CDC42BPA: variants seen among roughly 807,000 people sequenced by gnomAD.
CDC42BPA encodes the protein serine/threonine-protein kinase MRCK alpha.
CDC42BPA carries 80 observed loss-of-function variants against 223.5 expected under a neutral mutation model. The observed-to-expected ratio is 0.36, with a 90% confidence interval of 0.30 to 0.43. The LOEUF (loss-of-function observed/expected upper bound fraction) is 0.43. Among genes scored for constraint, CDC42BPA ranks in the 20% least tolerant of loss-of-function variants. The pLI is 1.00. For missense variants in CDC42BPA, 1,743 were observed against 2,099.9 expected (o/e 0.83, Z 3.32); for synonymous variants, 694 against 718.6 (o/e 0.97, Z 0.55).
At chr1:227,284,156 C>T (rs1444746593) in intron 1 of CDC42BPA, among the ~76,000 whole-genome samples, 2 of 152,136 alleles carry the variant, frequency 1.3e-5, no homozygotes, top group Non-Finnish European at 2.9e-5. Context: ...TGTCTTGACA[C>T]ATCAAATGTC....
intron 12 of CDC42BPA, among the ~76,000 whole-genome samples, chr1:227,116,551 C>G (rs906602611): frequency 2.6e-5 from 4 of 152,100 alleles, no homozygotes; most frequent in African/African-American, 9.7e-5. Context: ...TACTGAGGTT[C>G]TAGCTAATAC....
At chr1:227,244,653 A>G (rs1484057910) in intron 2 of CDC42BPA, among the ~76,000 whole-genome samples, 2 of 152,220 alleles carry the variant, frequency 1.3e-5, no homozygotes, top group Non-Finnish European at 2.9e-5. Flanking sequence ...GCTCTCCCAC[A>G]CCATGCTGGA....
chr1:227,072,187 G>C, intron 20 of CDC42BPA, 21 bp downstream of exon 20: 5 of 1,374,994 alleles, frequency 3.6e-6, no homozygotes, highest in Non-Finnish European at 5.1e-6. Flanking sequence ...TCCTGAGTGA[G>C]GCAAACACAC....
At chr1:227,164,460 ACATATCT>A (rs1558653879) in intron 5 of CDC42BPA, among the ~76,000 whole-genome samples, 1 of 152,222 alleles carries the variant, frequency 6.6e-6, no homozygotes, top group Non-Finnish European at 1.5e-5. Flanking sequence ...CAGAGAACTT[ACATATCT>A]CATCTATAGG....
chr1:227,285,833 G>C (rs2148612221), intron 1 of CDC42BPA, among the ~76,000 whole-genome samples: 1 of 149,496 alleles, frequency 6.7e-6, no homozygotes, highest in Non-Finnish European at 1.5e-5. Flanking sequence ...GCCTACTCCT[G>C]AGTACTTGGA....
chr1:227,110,398 C>G (rs1230694236), intron 14 of CDC42BPA, among the ~76,000 whole-genome samples: 1 of 152,216 alleles, frequency 6.6e-6, no homozygotes, highest in African/African-American at 2.4e-5. Context: ...CTAAATGACA[C>G]AGAGATGTGT....
In CDC42BPA at chr1:227,060,515, C is replaced by T. The variant is rs16846902; in HGVS notation, c.2905-8530G>A. Among the ~76,000 whole-genome samples the T allele has an allele frequency of 1.5e-3, 227 of 152,086 alleles. 1 individual carries two copies. The highest frequency in any genetic ancestry group is 3.5e-3 in the Admixed American group (53 of 15,282). ...AGCAACAATGTGACAAATGCTATCACTGAGATATGTACAAGGTTTGTATGG... is the reference window on the plus strand; with the variant it reads ...AGCAACAATGTGACAAATGCTATCATTGAGATATGTACAAGGTTTGTATGG... On this transcript the variant is annotated intron_variant, in intron 21 of 36. Transcript: ENST00000366766.
At chr1:227,303,732 A>T (rs1692073079) in intron 1 of CDC42BPA, among the ~76,000 whole-genome samples, 2 of 152,040 alleles carry the variant, frequency 1.3e-5, no homozygotes, top group Admixed American at 6.6e-5. Context: ...AGTCATTACC[A>T]CTCATCTACC....
rs1219253483 is a variant in CDC42BPA, at chr1:226,993,501, A to G, written c.*767T>C. On this transcript the variant is annotated 3_prime_UTR_variant, in exon 37 of 37. Coordinates refer to ENST00000366766, the MANE Select transcript of CDC42BPA (RefSeq NM_001394014.1). ...GTTTTCTACAGCTCCCCAGGTGACT[A>G]GAGCCTATGACCAGTTTGAGGACAG... 1 of 152,566 alleles carries G rather than the reference A, an allele frequency of 6.6e-6. No homozygotes were observed. The highest frequency in any genetic ancestry group is 1.9e-4 in the East Asian group (1 of 5,188). The allele number at this position is 152,566 out of a possible 1,614,324, so 9.5% of individuals were successfully genotyped here.
intron 14 of CDC42BPA, among the ~76,000 whole-genome samples, chr1:227,105,396 C>G (rs1389348090): frequency 8.1e-6 from 1 of 123,638 alleles, no homozygotes; most frequent in Non-Finnish European, 1.6e-5. Flanking sequence ...GGGTCTCACT[C>G]TGTTGTCCAG....
chr1:227,300,875 G>A (rs1274540245), intron 1 of CDC42BPA, among the ~76,000 whole-genome samples: 1 of 152,198 alleles, frequency 6.6e-6, no homozygotes, highest in African/African-American at 2.4e-5. Flanking sequence ...GTATCAACTT[G>A]AACATCAGAA....
chr1:227,281,057 C>T (rs1333568117), intron 1 of CDC42BPA, among the ~76,000 whole-genome samples: 1 of 152,218 alleles, frequency 6.6e-6, no homozygotes, highest in African/African-American at 2.4e-5. Context: ...CTCCTCACCA[C>T]ATTCTCCCAA....
chr1:227,083,812 C>T (rs1459374697), intron 16 of CDC42BPA, among the ~76,000 whole-genome samples: 1 of 152,150 alleles, frequency 6.6e-6, no homozygotes, highest in Non-Finnish European at 1.5e-5. Context: ...ACCCTTACTC[C>T]TAAAATGTAG....
chr1:227,228,102 G>T (rs80311310), intron 2 of CDC42BPA, among the ~76,000 whole-genome samples: 8,890 of 151,746 alleles, frequency 0.059, 258 homozygotes, highest in Non-Finnish European at 0.071. Flanking sequence ...AACACACAGT[G>T]AGGCCTATGG....
intron 20 of CDC42BPA, among the ~76,000 whole-genome samples, chr1:227,070,768 T>C (rs933935007): frequency 1.4e-4 from 22 of 151,884 alleles, no homozygotes; most frequent in Non-Finnish European, 5.9e-5. Flanking sequence ...CATTATGTTA[T>C]ACAATAAAAT....
At chr1:227,279,332 A>G (rs1183655525) in intron 1 of CDC42BPA, among the ~76,000 whole-genome samples, 1 of 152,156 alleles carries the variant, frequency 6.6e-6, no homozygotes, top group Non-Finnish European at 1.5e-5. Flanking sequence ...AAGAAAGGAA[A>G]TAAGTTACAG....
At chr1:227,037,557 A>C (rs1376604742) in intron 24 of CDC42BPA, among the ~76,000 whole-genome samples, 1 of 152,128 alleles carries the variant, frequency 6.6e-6, no homozygotes, top group African/African-American at 2.4e-5. Context: ...TTTCCCTCTT[A>C]CTCAAAGTAC....
At chr1:227,013,544 G>A (rs1005420760) in intron 34 of CDC42BPA, among the ~76,000 whole-genome samples, 1 of 152,022 alleles carries the variant, frequency 6.6e-6, no homozygotes, top group Non-Finnish European at 1.5e-5. Flanking sequence ...AAGAACTCTG[G>A]AACATTAGCA....
chr1:227,186,001 T>C (rs1668719045), intron 5 of CDC42BPA, among the ~76,000 whole-genome samples: 1 of 152,196 alleles, frequency 6.6e-6, no homozygotes, highest in Non-Finnish European at 1.5e-5. Context: ...CAGGGCAAAC[T>C]GTTGTCCCCA....
Sources: allele counts gnomAD v4.1 joint callset (sites outside exome capture counted in the v4.1 genomes callset), GRCh38; gene constraint gnomAD v4.1.1; transcripts MANE v1.5; gene names NCBI Gene and HGNC (gene_info 2026-07-23, HGNC 2026-07-21).